The following CLMP variants were observed in gnomAD, a reference collection of about 807,000 sequenced individuals.
CLMP encodes the protein CXADR-like membrane protein.
In CLMP, 27 loss-of-function variants were observed where a neutral mutation model predicts 45.2. The observed-to-expected ratio is 0.60, with a 90% CI of 0.44 to 0.82. The LOEUF is 0.82. Ranked by LOEUF, CLMP falls within the 40% of genes least tolerant of loss-of-function variation. The pLI, the probability that CLMP is intolerant of heterozygous loss-of-function variation, is 0.00. For synonymous variants in CLMP, 167 were observed against 171.4 expected (o/e 0.97, Z 0.20); for missense variants, 403 against 448.4 (o/e 0.90, Z 0.91).
rs533529211 is a variant in CLMP at position 123,163,803 on chromosome 11, A to G, written c.28+31110T>C. 2.0e-5 allele frequency among the ~76,000 whole-genome samples: 3 copies of G among 152,294 alleles called. No individual in the cohort carries two copies. In the East Asian group the frequency reaches 5.8e-4, roughly 29 times the overall value. On this transcript the variant is annotated intron_variant, in intron 1 of 6. Transcript: ENST00000448775. ...GCGTGGAGGCTGAGAGGGCCAGACTAATGACCAGCTTATGGGTTCTGAGGC... is the reference window on the plus strand; with the variant it reads ...GCGTGGAGGCTGAGAGGGCCAGACTGATGACCAGCTTATGGGTTCTGAGGC...
At chr11:123,111,427 G>A (rs570058710) in intron 1 of CLMP, among the ~76,000 whole-genome samples, 3 of 152,192 alleles carry the variant, frequency 2.0e-5, no homozygotes, top group East Asian at 1.9e-4. Context: ...CACCATGCCC[G>A]GCCATAGTTT....
intron 1 of CLMP, among the ~76,000 whole-genome samples, chr11:123,106,423 G>GC (rs1483267289): frequency 1.4e-5 from 1 of 70,804 alleles, no homozygotes; most frequent in East Asian, 3.8e-4. Context: ...GTGTGTGTGT[G>GC]TGCGCGCGCG....
rs142480160 is a variant in CLMP, at chr11:123,165,927, C to T, written c.28+28986G>A. On this transcript the variant is annotated intron_variant, in intron 1 of 6. Transcript: ENST00000448775. ...AGATTGGACTGTCAACACTGTCAAG[C>T]CATCTTTCATTTTCCCAAGTTCTAT... 5.3e-5 allele frequency among the ~76,000 whole-genome samples: 8 copies of T among 152,296 alleles called. 1 individual carries two copies. In the East Asian group the frequency reaches 1.5e-3, roughly 29 times the overall value.
intron 2 of CLMP, among the ~76,000 whole-genome samples, chr11:123,085,672 C>T (rs1865857226): frequency 6.7e-6 from 1 of 149,694 alleles, no homozygotes. Flanking sequence ...GGACAAAGGA[C>T]AGACAGAACT....
chr11:123,091,081 T>C (rs112427040), intron 2 of CLMP, among the ~76,000 whole-genome samples: 7 of 151,472 alleles, frequency 4.6e-5, no homozygotes, highest in African/African-American at 2.4e-5. Context: ...CCTTCTTTCT[T>C]TCTCTCTCTC....
At chr11:123,135,183 C>T (rs561417892) in intron 1 of CLMP, among the ~76,000 whole-genome samples, 1 of 150,100 alleles carries the variant, frequency 6.7e-6, no homozygotes, top group South Asian at 2.1e-4. Flanking sequence ...TGGCTTGAAC[C>T]CGGGAGACAG....
At chr11:123,153,064 G>A (rs1203238811) in intron 1 of CLMP, among the ~76,000 whole-genome samples, 3 of 152,166 alleles carry the variant, frequency 2.0e-5, no homozygotes, top group African/African-American at 7.2e-5. Flanking sequence ...CTCTTGCCAT[G>A]GAACACATCT....
rs1380644394 is a variant in CLMP at position 123,071,676 on chromosome 11, A to G, written c.*1798T>C. On this transcript the variant is annotated 3_prime_UTR_variant, in exon 7 of 7. Coordinates refer to ENST00000448775, the MANE Select transcript of CLMP (RefSeq NM_024769.5). ...GAGGCGGACGCTGCAGTGAGCTGAG[A>G]TGGTGCCACTGCACTCCAGCCTGGG... 6.6e-6 allele frequency: 1 copy of G among 151,994 alleles called. No homozygotes were observed. Among genetic ancestry groups the G allele is most frequent in the African/African-American group, 2.4e-5 (1 of 41,332 alleles). 9.4% of individuals were successfully genotyped at this position (151,994 alleles called of 1,614,324 possible). A position where few individuals can be genotyped will look rare whatever the true frequency, so the allele number is the denominator to read the frequency against.
At chr11:123,151,951 C>G (rs1220061521) in intron 1 of CLMP, among the ~76,000 whole-genome samples, 2 of 152,180 alleles carry the variant, frequency 1.3e-5, no homozygotes, top group Non-Finnish European at 2.9e-5. Context: ...CTCCCTGCCT[C>G]CTTCCTCTTC....
chr11:123,082,031 GTC>G (rs930906403), intron 5 of CLMP, among the ~76,000 whole-genome samples: 22 of 152,294 alleles, frequency 1.4e-4, no homozygotes, highest in African/African-American at 4.8e-4. Flanking sequence ...GCCTACTACT[GTC>G]TCTCATCTGT....
chr11:123,189,466 T>C (rs1861877730), intron 1 of CLMP, among the ~76,000 whole-genome samples: 1 of 152,206 alleles, frequency 6.6e-6, no homozygotes, highest in South Asian at 2.1e-4. Flanking sequence ...AAAGAGTGAT[T>C]TGAGGTGAGA....
chr11:123,074,173 C>CTTTTTTTTTTTTTTTTTTT (rs113482011), intron 6 of CLMP, among the ~76,000 whole-genome samples: 1 of 130,682 alleles, frequency 7.7e-6, no homozygotes, highest in Admixed American at 7.8e-5. Flanking sequence ...TATGTACATA[C>CTTTTTTTTTTTTTTTTTTT]TTTTTTTTTT....
intron 1 of CLMP, among the ~76,000 whole-genome samples, chr11:123,114,179 A>C (rs1010172819): frequency 6.6e-6 from 1 of 152,214 alleles, no homozygotes; most frequent in East Asian, 1.9e-4. Context: ...ACTATGAAAA[A>C]GAAAATAATC....
chr11:123,188,190 T>C (rs779510271), intron 1 of CLMP, among the ~76,000 whole-genome samples: 3 of 152,178 alleles, frequency 2.0e-5, no homozygotes, highest in Non-Finnish European at 4.4e-5. Context: ...GCCCGAACTC[T>C]AGCAGGCGCA....
At chr11:123,107,722 A>G (rs1217818197) in intron 1 of CLMP, among the ~76,000 whole-genome samples, 4 of 151,914 alleles carry the variant, frequency 2.6e-5, no homozygotes, top group African/African-American at 9.7e-5. Flanking sequence ...ACAAACCAGG[A>G]TTGTGAAAAG....
intron 5 of CLMP, among the ~76,000 whole-genome samples, chr11:123,075,530 A>G (rs1361681876): frequency 5.3e-5 from 8 of 150,312 alleles, no homozygotes; most frequent in Non-Finnish European, 1.2e-4. Context: ...GGGACTACAG[A>G]CGCCCGCCAC....
chr11:123,135,186 G>T (rs1051422692), intron 1 of CLMP, among the ~76,000 whole-genome samples: 1 of 150,678 alleles, frequency 6.6e-6, no homozygotes, highest in Non-Finnish European at 1.5e-5. Flanking sequence ...CTTGAACCCG[G>T]GAGACAGAGG....
intron 1 of CLMP, among the ~76,000 whole-genome samples, chr11:123,133,589 AG>A (rs1861023560): frequency 6.6e-6 from 1 of 152,162 alleles, no homozygotes. Context: ...CCATTGTAGT[AG>A]CCACTACTAT....
intron 2 of CLMP, 135 bp from the exon 3 acceptor site, chr11:123,084,848 C>A: frequency 3.0e-6 from 2 of 676,878 alleles, no homozygotes; most frequent in South Asian, 3.7e-5. Context: ...CAAGAGACCT[C>A]TGTTCTAAAT....
Sources: gnomAD v4.1 joint callset for allele counts (sites outside exome capture counted in the v4.1 genomes callset) on GRCh38, gnomAD v4.1.1 for gene constraint, MANE v1.5 for transcripts, NCBI Gene and HGNC (gene_info 2026-07-23, HGNC 2026-07-21) for gene names.